Variants in INTU observed in about 807,000 individuals in gnomAD.
INTU encodes the protein inturned planar cell polarity protein, also known as protein inturned.
A neutral mutation model predicts 100.5 loss-of-function variants in INTU; 68 were observed. The ratio of observed to expected loss-of-function variants is 0.68; its 90% CI spans 0.56 to 0.83. INTU has a LOEUF of 0.83. Among genes scored for constraint, INTU ranks in the 40% least tolerant of loss-of-function variants. INTU has a pLI of 0.00. For missense variants in INTU, 1,071 were observed against 1,114.7 expected (o/e 0.96, Z 0.56); for synonymous variants, 357 against 395.7 (o/e 0.90, Z 1.16).
At position 127,661,817 on chromosome 4, in the gene INTU, C is replaced by T. The variant is rs1728490944; in HGVS notation, c.769-1564C>T. Among the ~76,000 whole-genome samples, 3 of 152,190 alleles carry T rather than the reference C, an allele frequency of 2.0e-5. No homozygotes were observed. In the South Asian group the frequency reaches 6.2e-4, roughly 31 times the overall value. Reference sequence around the variant, plus strand: ...GGGTAGATACCCAGTAGAGGGGTTGCTGGATCTAATAATAGATCTGCTTTT... The same window carrying T: ...GGGTAGATACCCAGTAGAGGGGTTGTTGGATCTAATAATAGATCTGCTTTT... On this transcript the variant is annotated intron_variant, in intron 3 of 15. Coordinates refer to ENST00000335251, the MANE Select transcript of INTU (RefSeq NM_015693.4).
At chr4:127,641,120 G>A (rs930629984) in intron 1 of INTU, among the ~76,000 whole-genome samples, 22 of 151,730 alleles carry the variant, frequency 1.4e-4, no homozygotes, top group African/African-American at 5.3e-4. Context: ...TGCTTTATTT[G>A]TCATTTTTGC....
chr4:127,700,005 C>G lies in INTU; in HGVS notation c.1450-5C>G, dbSNP rs767705594. The G allele has an allele frequency of 2.6e-6, 4 of 1,523,556 alleles. No homozygotes were observed. Among genetic ancestry groups the G allele is most frequent in the South Asian group, 1.3e-5 (1 of 77,164 alleles). The allele number at this position is 1,523,556 out of a possible 1,614,324, so 94.4% of individuals were successfully genotyped here. ...TATGTTACTCTTTTTTTTTTTTTAACATAGATGGAATTAGACATGGCATTA... is the reference window on the plus strand; with the variant it reads ...TATGTTACTCTTTTTTTTTTTTTAAGATAGATGGAATTAGACATGGCATTA... On this transcript the variant is annotated splice_region_variant and splice_polypyrimidine_tract_variant and intron_variant, in intron 8 of 15. Coordinates refer to ENST00000335251, the MANE Select transcript of INTU (RefSeq NM_015693.4).
intron 9 of INTU, among the ~76,000 whole-genome samples, chr4:127,703,590 A>C (rs1730744795): frequency 6.6e-6 from 1 of 151,746 alleles, no homozygotes; most frequent in African/African-American, 2.4e-5. Flanking sequence ...GTATCCTAAA[A>C]CCTTTTATGC....
chr4:127,701,639 G>A (rs1730654341), intron 9 of INTU, among the ~76,000 whole-genome samples: 1 of 152,114 alleles, frequency 6.6e-6, no homozygotes, highest in Non-Finnish European at 1.5e-5. Flanking sequence ...TTCAGCAGGA[G>A]GAAGGGAAGA....
chr4:127,671,374 C>T (rs1235508238), intron 5 of INTU, among the ~76,000 whole-genome samples: 3 of 151,922 alleles, frequency 2.0e-5, no homozygotes, highest in Admixed American at 2.0e-4. Flanking sequence ...ATGCTCATCA[C>T]TAATCATCAG....
In INTU at chr4:127,687,785, C is replaced by T; in HGVS notation, c.1367C>T (p.Ala456Val). The T allele has an allele frequency of 1.2e-6, 2 of 1,613,582 alleles. No individual in the cohort carries two copies. Among genetic ancestry groups the T allele is most frequent in the Non-Finnish European group, 1.7e-6 (2 of 1,179,676 alleles). ...AKLHSSASPS[A>V]QQYDASSAVL... ...CTGCATTCCAGCGCCAGTCCCAGTG[C>T]TCAGCAGTACGATGCTTCCAGTGCA... The change falls in exon 8 of 16, where the codon GCT becomes GTT. Residue 456 changes from alanine to valine, a missense_variant. Ala to Val is a moderately conservative substitution (Grantham distance 64, BLOSUM62 0). Coordinates refer to ENST00000335251, the MANE Select transcript of INTU (RefSeq NM_015693.4).
intron 8 of INTU, among the ~76,000 whole-genome samples, chr4:127,697,288 C>T (rs1730435069): frequency 6.6e-6 from 1 of 151,542 alleles, no homozygotes; most frequent in African/African-American, 2.4e-5. Flanking sequence ...TTATTATTTA[C>T]TTCTCTCTTT....
chr4:127,645,343 G>A (rs1399831492), intron 2 of INTU, among the ~76,000 whole-genome samples: 2 of 151,984 alleles, frequency 1.3e-5, no homozygotes, highest in East Asian at 3.9e-4. Flanking sequence ...TGTGTGAAGA[G>A]GTCAAGACAC....
At chr4:127,703,437 T>C (rs563401871) in intron 9 of INTU, among the ~76,000 whole-genome samples, 14 of 152,322 alleles carry the variant, frequency 9.2e-5, no homozygotes, top group East Asian at 5.8e-4. Context: ...TTGGAATGTA[T>C]CCTTCCAGAC....
rs1338373765 is a variant in INTU at position 127,698,285 on chromosome 4, A to AC, written c.1450-1721dup. ...AGACCATCCTGGCTAACACGGTGAA[A>AC]CCCCATCTCTACTAAAAATACAAAA... On this transcript the variant is annotated intron_variant, in intron 8 of 15. Transcript: ENST00000335251. 5.3e-5 allele frequency among the ~76,000 whole-genome samples: 8 copies of AC among 152,002 alleles called. No homozygotes were observed. The South Asian group carries it at 1.0e-3, about 20-fold the overall frequency.
rs1429281310 is a variant in INTU, at chr4:127,716,504, A to G, written c.*68A>G. Reference sequence around the variant, plus strand: ...AACACTGTCAGAATTGCTGAAATCAATACACAAAGAGATAAAGTTTAGCTT... The same window carrying G: ...AACACTGTCAGAATTGCTGAAATCAGTACACAAAGAGATAAAGTTTAGCTT... On this transcript the variant is annotated 3_prime_UTR_variant, in exon 16 of 16. Transcript: ENST00000335251. 13 of 614,240 alleles carry G rather than the reference A, an allele frequency of 2.1e-5. No homozygotes were observed. In the East Asian group the frequency reaches 2.3e-4, roughly 11 times the overall value. 38.0% of individuals were successfully genotyped at this position (614,240 alleles called of 1,614,324 possible).
chr4:127,711,027 C>A lies in INTU; in HGVS notation c.2484C>A (p.His828Gln). Residue 828 changes from histidine to glutamine, a missense_variant, in exon 14 of 16, where the codon CAC (histidine) becomes CAA (glutamine). Physicochemically the swap from His to Gln is conservative, Grantham distance 24. Transcript: ENST00000335251. ...TGGCACAGCTAAGTGGCTCTATCCA[C>A]CCTCAGCTAATAAAGAATTTCCATC... ...EEVAQLSGSI[H>Q]PQLIKNFHQC... is the part of the protein sequence containing the mutation. 1 of 1,609,378 alleles carries A rather than the reference C, an allele frequency of 6.2e-7. No homozygotes were observed. The highest frequency in any genetic ancestry group is 8.5e-7 in the Non-Finnish European group (1 of 1,176,882).
intron 8 of INTU, among the ~76,000 whole-genome samples, chr4:127,696,801 A>C (rs1730411630): frequency 6.6e-6 from 1 of 152,030 alleles, no homozygotes; most frequent in Middle Eastern, 3.2e-3. Flanking sequence ...CTTCTTTTTT[A>C]ATATATGCAT....
intron 3 of INTU, among the ~76,000 whole-genome samples, chr4:127,662,256 G>T (rs1288817282): frequency 6.6e-6 from 1 of 151,928 alleles, no homozygotes; most frequent in Non-Finnish European, 1.5e-5. Context: ...TATTTATTTT[G>T]CTGTGCAAAA....
intron 8 of INTU, 71 bp from the exon 9 acceptor site, chr4:127,699,939 A>C: frequency 1.4e-5 from 15 of 1,067,592 alleles, no homozygotes; most frequent in Non-Finnish European, 1.8e-5. Flanking sequence ...CACTTTTTAT[A>C]TGGCCATTAC....
intron 4 of INTU, 24 bp downstream of exon 4, chr4:127,663,608 G>C (rs1295449424): frequency 6.3e-7 from 1 of 1,597,576 alleles, no homozygotes; most frequent in Non-Finnish European, 8.6e-7. Context: ...AAAGTCCAAA[G>C]GAAATAAGTT....
intron 9 of INTU, 30 bp downstream of exon 9, chr4:127,700,093 C>T (rs780748654): frequency 2.6e-6 from 4 of 1,530,642 alleles, no homozygotes; most frequent in South Asian, 1.2e-5. Context: ...TTATAAAAGG[C>T]TCAATGTTGA....
At chr4:127,640,440 C>T (rs1727259619) in intron 1 of INTU, among the ~76,000 whole-genome samples, 1 of 150,300 alleles carries the variant, frequency 6.7e-6, no homozygotes, top group Non-Finnish European at 1.5e-5. Flanking sequence ...GTGTCTTTCT[C>T]TTCTTAAAAT....
At chr4:127,679,813 G>T (rs1163341784) in intron 6 of INTU, among the ~76,000 whole-genome samples, 1 of 151,842 alleles carries the variant, frequency 6.6e-6, no homozygotes, top group African/African-American at 2.4e-5. Context: ...ATGAATCCAG[G>T]AGCTGGTTTT....
Sources: gnomAD v4.1 joint callset for allele counts (sites outside exome capture counted in the v4.1 genomes callset) on GRCh38, gnomAD v4.1.1 for gene constraint, MANE v1.5 for transcripts, NCBI Gene and HGNC (gene_info 2026-07-23, HGNC 2026-07-21) for gene names.